Variants in AGTPBP1 observed in about 807,000 individuals in gnomAD.
AGTPBP1 encodes cytosolic carboxypeptidase 1.
A neutral mutation model predicts 143.9 loss-of-function variants in AGTPBP1; 70 were observed. The ratio of observed to expected loss-of-function variants is 0.49; its 90% CI spans 0.40 to 0.59. AGTPBP1 has a LOEUF of 0.59. Ranked by LOEUF, AGTPBP1 falls within the 20% of genes least tolerant of loss-of-function variation. The probability of loss-of-function intolerance (pLI) is 0.00; values close to 1 mark genes in which losing one functional copy is unlikely to be tolerated. For synonymous variants in AGTPBP1, 463 were observed against 500.2 expected, an observed-to-expected ratio of 0.93 and a Z score of 0.99; for missense variants, 1,229 against 1,464.5, an observed-to-expected ratio of 0.84 and a Z score of 2.62.
chr9:85,566,522 C>A (rs1468658945), intron 25 of AGTPBP1, among the ~76,000 whole-genome samples: 2 of 87,514 alleles, frequency 2.3e-5, no homozygotes, highest in Non-Finnish European at 3.7e-5. Context: ...AGATCAAGAC[C>A]ATGTCTCAAA....
chr9:85,653,340 G>A (rs1833290531), intron 11 of AGTPBP1, among the ~76,000 whole-genome samples: 1 of 152,168 alleles, frequency 6.6e-6, no homozygotes, highest in Non-Finnish European at 1.5e-5. Context: ...AGGAAGGCTT[G>A]TCAGTCAATG....
At chr9:85,604,725 T>C (rs1829887489) in intron 17 of AGTPBP1, among the ~76,000 whole-genome samples, 1 of 152,052 alleles carries the variant, frequency 6.6e-6, no homozygotes, top group Admixed American at 6.5e-5. Context: ...CTCAGTGAAA[T>C]TGAAGAGAAC....
rs867597805 is a variant in AGTPBP1, at chr9:85,629,238, G to C, written c.2015+3424C>G. ...ATATTAGACTGTACACAGGCAGTAAGAATGTCAATTACTTCAGGAAAAAGT... is the reference window on the plus strand; with the variant it reads ...ATATTAGACTGTACACAGGCAGTAACAATGTCAATTACTTCAGGAAAAAGT... On this transcript the variant is annotated intron_variant, in intron 14 of 25. Coordinates refer to ENST00000357081, the MANE Select transcript of AGTPBP1 (RefSeq NM_001330701.2). Among the ~76,000 whole-genome samples the C allele has an allele frequency of 6.6e-5, 10 of 152,290 alleles. 1 individual carries two copies. The Middle Eastern group carries it at 0.014, about 207-fold the overall frequency.
intron 17 of AGTPBP1, among the ~76,000 whole-genome samples, chr9:85,611,155 C>CTTTTTTTTTTTTTTTT (rs56023115): frequency 1.2e-4 from 13 of 112,750 alleles, no homozygotes; most frequent in Non-Finnish European, 1.6e-4. Context: ...AGGGGCTTTT[C>CTTTTTTTTTTTTTTTT]TTTTTTTTTT....
intron 3 of AGTPBP1, among the ~76,000 whole-genome samples, chr9:85,689,550 C>G (rs369954864): frequency 5.9e-5 from 9 of 152,040 alleles, no homozygotes; most frequent in African/African-American, 2.2e-4. Flanking sequence ...ACAAATAATG[C>G]CACATGAATA....
intron 17 of AGTPBP1, among the ~76,000 whole-genome samples, chr9:85,596,723 AAAGAT>A (rs1329018228): frequency 6.6e-6 from 1 of 152,184 alleles, no homozygotes; most frequent in African/African-American, 2.4e-5. Context: ...GAAATCAATT[AAAGAT>A]AATATATTCC....
At position 85,657,609 on chromosome 9, in the gene AGTPBP1, A is replaced by G. The variant is rs151338167; in HGVS notation, c.735T>C (p.Tyr245=). Residue 245 remains tyrosine (Y), a synonymous_variant, in exon 10 of 26, where the codon TAT becomes TAC. Transcript: ENST00000357081. ...TNARRAVDRG[Y]VQVLLTIYVD... is the part of the protein sequence containing the mutation. ...CATAAATTGTTAAAAGCACTTGGAC[A>G]TATCCTCTGTCTACAGCTCTCCTGG... The G allele has an allele frequency of 3.1e-6, 5 of 1,613,656 alleles. No individual in the cohort carries two copies. The highest frequency in any genetic ancestry group is 1.3e-5 in the African/African-American group (1 of 74,936).
At chr9:85,648,355 C>T (rs1832943800) in intron 11 of AGTPBP1, among the ~76,000 whole-genome samples, 1 of 152,200 alleles carries the variant, frequency 6.6e-6, no homozygotes, top group Admixed American at 6.5e-5. Context: ...AATATAAAAA[C>T]AAATCACCTC....
chr9:85,580,249 AAAAG>A (rs1362941430), intron 23 of AGTPBP1, among the ~76,000 whole-genome samples: 4 of 151,856 alleles, frequency 2.6e-5, no homozygotes, highest in Non-Finnish European at 4.4e-5. Context: ...AAAAAAAAAA[AAAAG>A]AACTCTCTCT....
At chr9:85,696,793 C>G (rs1218405889) in intron 2 of AGTPBP1, among the ~76,000 whole-genome samples, 3 of 152,042 alleles carry the variant, frequency 2.0e-5, no homozygotes, top group African/African-American at 7.2e-5. Context: ...TAAGATAGAC[C>G]AACGGATTTT....
At chr9:85,591,933 T>C (rs796970523) in intron 19 of AGTPBP1, among the ~76,000 whole-genome samples, 13 of 147,750 alleles carry the variant, frequency 8.8e-5, no homozygotes, top group African/African-American at 3.5e-4. Flanking sequence ...TACTAGACTT[T>C]GTTTGTTTAG....
intron 1 of AGTPBP1, among the ~76,000 whole-genome samples, chr9:85,721,757 TCATAG>T (rs1309276714): frequency 6.6e-6 from 1 of 152,226 alleles, no homozygotes; most frequent in African/African-American, 2.4e-5. Context: ...TGCAGTTTCT[TCATAG>T]CATTGATGGT....
chr9:85,669,687 C>A, intron 7 of AGTPBP1, 109 bp from the exon 8 acceptor site: 1 of 612,568 alleles, frequency 1.6e-6, no homozygotes, highest in Non-Finnish European at 2.9e-6. Context: ...TAGTAAATGT[C>A]AACTCAAGTC....
At chr9:85,753,314 A>G in the AGTPBP1 span, 12 of 1,613,822 alleles carry the variant, frequency 7.4e-6, no homozygotes, top group Middle Eastern at 1.6e-4. Flanking sequence ...AGGAACTACA[A>G]TTAAAAACAG....
chr9:85,801,818 C>G, the AGTPBP1 span, among the ~76,000 whole-genome samples: 2 of 152,130 alleles, frequency 1.3e-5, no homozygotes, highest in African/African-American at 4.8e-5. Flanking sequence ...GAATTCAACC[C>G]CTCACTCATA....
At chr9:85,551,948 G>A (rs1462552839) in intron 25 of AGTPBP1, among the ~76,000 whole-genome samples, 2 of 152,016 alleles carry the variant, frequency 1.3e-5, no homozygotes, top group African/African-American at 2.4e-5. Context: ...TTGTTTTAAC[G>A]CCACTGTTTC....
chr9:85,666,409 A>G (rs908219728), intron 8 of AGTPBP1, among the ~76,000 whole-genome samples: 5 of 152,146 alleles, frequency 3.3e-5, no homozygotes, highest in Non-Finnish European at 7.4e-5. Context: ...AATACAACAG[A>G]AAGCGTTAGA....
chr9:85,608,263 A>C (rs903751145), intron 17 of AGTPBP1, among the ~76,000 whole-genome samples: 1 of 152,108 alleles, frequency 6.6e-6, no homozygotes, highest in Non-Finnish European at 1.5e-5. Context: ...TAATGAAAAT[A>C]TAATAATACT....
At chr9:85,633,777 C>G (rs1831843960) in intron 13 of AGTPBP1, among the ~76,000 whole-genome samples, 1 of 151,958 alleles carries the variant, frequency 6.6e-6, no homozygotes, top group Admixed American at 6.6e-5. Context: ...CAACTCTTCC[C>G]TTTTGTAGCT....
Sources: gnomAD v4.1 joint callset for allele counts (sites outside exome capture counted in the v4.1 genomes callset) on GRCh38, gnomAD v4.1.1 for gene constraint, MANE v1.5 for transcripts, NCBI Gene and HGNC (gene_info 2026-07-23, HGNC 2026-07-21) for gene names.